The following MTCL1 variants were observed in gnomAD, a reference collection of about 807,000 sequenced individuals.
The protein encoded by MTCL1 is microtubule cross-linking factor 1.
A neutral mutation model predicts 141.4 loss-of-function variants in MTCL1; 79 were observed. The observed-to-expected ratio is 0.56, with a 90% CI of 0.47 to 0.67. The LOEUF is 0.67. MTCL1 is among the 30% of genes least tolerant of loss of function. The probability of loss-of-function intolerance (pLI) is 0.00; values close to 1 mark genes in which losing one functional copy is unlikely to be tolerated. For missense variants in MTCL1, 2,177 were observed against 2,113.9 expected, an observed-to-expected ratio of 1.03 and a Z score of -0.59; for synonymous variants, 914 against 875.8, an observed-to-expected ratio of 1.04 and a Z score of -0.77.
rs139574278 is a variant in MTCL1 at position 8,737,488 on chromosome 18, T to G, written c.357+16992T>G. ...AGGGGCATGTCACGGCCATGGGGTC[T>G]GGGCTGGCCATCAGGGTGCATGTTC... On this transcript the variant is annotated intron_variant, in intron 4 of 16. Transcript: ENST00000359865. Among the ~76,000 whole-genome samples, 383 of 152,318 alleles carry G rather than the reference T, an allele frequency of 2.5e-3. 6 individuals carry two copies. Among genetic ancestry groups the G allele is most frequent in the Non-Finnish European group, 2.0e-3 (134 of 68,014 alleles).
intron 1 of MTCL1, among the ~76,000 whole-genome samples, chr18:8,710,457 C>CTTTTTTTTTTTTTTTTT (rs59830434): frequency 8.2e-6 from 1 of 121,818 alleles, no homozygotes; most frequent in Non-Finnish European, 1.7e-5. Context: ...CAGGCACTTT[C>CTTTTTTTTTTTTTTTTT]TTTTTTTTTT....
At chr18:8,816,553 T>C (rs2076662210) in intron 12 of MTCL1, among the ~76,000 whole-genome samples, 1 of 152,208 alleles carries the variant, frequency 6.6e-6, no homozygotes, top group Non-Finnish European at 1.5e-5. Flanking sequence ...ACTACATTTC[T>C]CCTTAGAATT....
chr18:8,763,211 A>G (rs966304884), intron 4 of MTCL1, among the ~76,000 whole-genome samples: 2 of 152,232 alleles, frequency 1.3e-5, no homozygotes, highest in African/African-American at 4.8e-5. Flanking sequence ...CAGAACTGAA[A>G]CCAGGAGTTA....
chr18:8,824,759 G>T (rs1312595524), exon 15 of MTCL1: 8 of 1,614,078 alleles, frequency 5.0e-6, no homozygotes, highest in East Asian at 2.2e-5. Context: ...CCCCCTTCCT[G>T]CCTGAGAAGG....
rs1248049067 is a variant in MTCL1 at position 8,786,650 on chromosome 18, C to A, written c.1887+559C>A. On this transcript the variant is annotated intron_variant, in intron 7 of 16. Coordinates refer to ENST00000359865, the Ensembl canonical transcript of MTCL1. The stretch of plus-strand genomic sequence containing the variant: ...CACAAGGCTTCAGCCACCACAGAGA[C>A]CATGGTTGGAAGTGTTGTCAGCAGC... 2.4e-5 allele frequency: 7 copies of A among 290,240 alleles called. No individual in the cohort carries two copies. In the East Asian group the frequency reaches 5.6e-4, roughly 23 times the overall value. 18.0% of individuals were successfully genotyped at this position (290,240 alleles called of 1,614,324 possible).
chr18:8,775,549 G>A lies in MTCL1; in HGVS notation c.358-2284G>A, dbSNP rs766950479. 6.2e-4 allele frequency among the ~76,000 whole-genome samples: 94 copies of A among 151,868 alleles called. 1 individual carries two copies. The highest frequency in any genetic ancestry group is 1.0e-3 in the Non-Finnish European group (71 of 67,916). ...GATTGCACCACTGCACTCCAGCCTGGGCGACAGAGAAAGATTCCGTCTCAA... is the reference window on the plus strand; with the variant it reads ...GATTGCACCACTGCACTCCAGCCTGAGCGACAGAGAAAGATTCCGTCTCAA... On this transcript the variant is annotated intron_variant, in intron 4 of 16. Transcript: ENST00000359865.
chr18:8,708,832 G>T (rs1404821202), intron 1 of MTCL1, among the ~76,000 whole-genome samples: 1 of 152,198 alleles, frequency 6.6e-6, no homozygotes, highest in African/African-American at 2.4e-5. Context: ...TGGAGAAGGT[G>T]TCACTTGCAT....
intron 4 of MTCL1, among the ~76,000 whole-genome samples, chr18:8,732,687 G>A (rs2096256587): frequency 6.6e-6 from 1 of 152,202 alleles, no homozygotes; most frequent in African/African-American, 2.4e-5. Flanking sequence ...TCCCTGTTGG[G>A]CAGGTAATCA....
intron 10 of MTCL1, 135 bp downstream of exon 9, chr18:8,798,426 G>T: frequency 1.5e-6 from 1 of 683,752 alleles, no homozygotes; most frequent in Non-Finnish European, 2.3e-6. Flanking sequence ...GCGGTCACCT[G>T]TTGTCATTTG....
chr18:8,705,866 C>T lies in MTCL1; in HGVS notation c.206C>T (p.Ala69Val), dbSNP rs1401761669. 1.2e-5 allele frequency: 14 copies of T among 1,140,216 alleles called. No homozygotes were observed. Among genetic ancestry groups the T allele is most frequent in the South Asian group, 8.5e-5 (2 of 23,566 alleles). 70.6% of individuals were successfully genotyped at this position (1,140,216 alleles called of 1,614,324 possible). A position where few individuals can be genotyped will look rare whatever the true frequency, so the allele number is the denominator to read the frequency against. The change falls in exon 1 of 14, where the codon GCC becomes GTC. Residue 69 changes from alanine to valine, a missense_variant. Coordinates refer to the MTCL1 transcript ENST00000306329. This position sits in a 1 kb window ranked among gnomAD's most constrained non-coding sequence, Gnocchi z 5.2. The stretch of plus-strand genomic sequence containing the variant: ...CCGGCCGTCCCCTCCTCGGGCCGAG[C>T]CCCGGCTCCCGCCGCCCCGCGCTCG...
At chr18:8,731,140 G>T (rs2096248393) in intron 4 of MTCL1, among the ~76,000 whole-genome samples, 2 of 152,258 alleles carry the variant, frequency 1.3e-5, no homozygotes, top group South Asian at 4.1e-4. Flanking sequence ...AGCTACTCGG[G>T]AGGCTGAGGC....
chr18:8,820,243 A>G (rs111943654), intron 13 of MTCL1, among the ~76,000 whole-genome samples: 4,935 of 152,118 alleles, frequency 0.032, 246 homozygotes, highest in African/African-American at 0.11. Flanking sequence ...CCCTGTCTCT[A>G]CTAAAAATAC....
At chr18:8,739,905 G>C (rs964817272) in intron 4 of MTCL1, among the ~76,000 whole-genome samples, 1 of 152,154 alleles carries the variant, frequency 6.6e-6, no homozygotes, top group Non-Finnish European at 1.5e-5. Flanking sequence ...CTAATTTTTT[G>C]TATTTTTAGT....
At chr18:8,723,133 A>T (rs181156188) in intron 4 of MTCL1, among the ~76,000 whole-genome samples, 39 of 152,272 alleles carry the variant, frequency 2.6e-4, no homozygotes, top group African/African-American at 9.1e-4. Context: ...GGGTGGTGGG[A>T]CCGCATATTT....
chr18:8,748,192 C>G (rs1361254432), intron 4 of MTCL1, among the ~76,000 whole-genome samples: 1 of 152,138 alleles, frequency 6.6e-6, no homozygotes, highest in Admixed American at 6.5e-5. Flanking sequence ...GACCTCACAC[C>G]AAGCCGGACC....
At chr18:8,788,965 A>G (rs2075621962) in intron 7 of MTCL1, among the ~76,000 whole-genome samples, 1 of 152,232 alleles carries the variant, frequency 6.6e-6, no homozygotes, top group Non-Finnish European at 1.5e-5. Flanking sequence ...AATGTGAGAC[A>G]ATCACATTTG....
chr18:8,765,723 G>C (rs1364690486), intron 4 of MTCL1, among the ~76,000 whole-genome samples: 2 of 152,164 alleles, frequency 1.3e-5, no homozygotes, highest in South Asian at 4.1e-4. Flanking sequence ...ATAAAATCGA[G>C]AACCGAAGCA....
At chr18:8,815,224 A>G (rs888729333) in intron 12 of MTCL1, among the ~76,000 whole-genome samples, 1 of 151,962 alleles carries the variant, frequency 6.6e-6, no homozygotes, top group Non-Finnish European at 1.5e-5. Flanking sequence ...AACCAACCCA[A>G]ATGTCCAACA....
intron 4 of MTCL1, among the ~76,000 whole-genome samples, chr18:8,747,333 C>T (rs2096344404): frequency 6.6e-6 from 1 of 152,098 alleles, no homozygotes; most frequent in South Asian, 2.1e-4. Context: ...TGTTCCATGC[C>T]TGGTGCTTTG....
Sources: gnomAD v4.1 joint callset for allele counts (sites outside exome capture counted in the v4.1 genomes callset) on GRCh38, gnomAD v4.1.1 for gene constraint, Gnocchi (gnomAD v3.1) non-coding constraint, MANE v1.5 for transcripts, NCBI Gene and HGNC (gene_info 2026-07-23, HGNC 2026-07-21) for gene names.